DIP2C: variants seen among roughly 807,000 people sequenced by gnomAD.
The protein encoded by DIP2C is DIP2 acetate--CoA ligase C (putative).
Under a neutral mutation model 192.4 loss-of-function variants are expected in DIP2C, and 33 were observed. The observed-to-expected ratio is 0.17, with a 90% CI of 0.13 to 0.23. The LOEUF (loss-of-function observed/expected upper bound fraction) is 0.23. Ranked by LOEUF, DIP2C falls within the 10% of genes least tolerant of loss-of-function variation. The pLI is 1.00. For missense variants in DIP2C, 1,537 were observed against 2,110.1 expected (o/e 0.73, Z 5.32); for synonymous variants, 979 against 864.1 (o/e 1.13, Z -2.33).
intron 2 of DIP2C, among the ~76,000 whole-genome samples, chr10:476,454 C>T (rs1843036943): frequency 6.6e-6 from 1 of 152,212 alleles, no homozygotes; most frequent in Admixed American, 6.5e-5. Context: ...AACACTGCAG[C>T]CCTGGCCTAA....
At chr10:378,119 G>A (rs1010005337) in intron 17 of DIP2C, among the ~76,000 whole-genome samples, 4 of 152,006 alleles carry the variant, frequency 2.6e-5, no homozygotes, top group Non-Finnish European at 5.9e-5. Context: ...ATGAGTTTAG[G>A]CACCACAAGC....
intron 1 of DIP2C, among the ~76,000 whole-genome samples, chr10:505,460 C>A (rs1352733469): frequency 6.6e-6 from 1 of 152,236 alleles, no homozygotes; most frequent in Non-Finnish European, 1.5e-5. Flanking sequence ...CTGCCTGAGG[C>A]TCTCGACTGA....
chr10:403,582 A>C (rs376092867), intron 9 of DIP2C, among the ~76,000 whole-genome samples: 23 of 34,212 alleles, frequency 6.7e-4, no homozygotes, highest in African/African-American at 1.1e-3. Flanking sequence ...GTATGTGTTC[A>C]TCAGCACATG....
chr10:321,589 A>G (rs11251713), intron 31 of DIP2C, among the ~76,000 whole-genome samples: 7,197 of 61,032 alleles, frequency 0.12, 280 homozygotes, highest in African/African-American at 0.18. Flanking sequence ...GCGGGGCTCC[A>G]GCGAGAGACC....
At chr10:616,876 G>T (rs1233920933) in intron 1 of DIP2C, among the ~76,000 whole-genome samples, 1 of 152,218 alleles carries the variant, frequency 6.6e-6, no homozygotes. Context: ...TGCAGGCTCT[G>T]AAAAGACAGA....
intron 17 of DIP2C, among the ~76,000 whole-genome samples, chr10:381,889 A>C (rs1011479515): frequency 6.6e-6 from 1 of 151,950 alleles, no homozygotes; most frequent in African/African-American, 2.4e-5. Flanking sequence ...CTCTTGCCAC[A>C]CCTTCCCTCT....
chr10:609,630 G>A (rs942661313), intron 1 of DIP2C, among the ~76,000 whole-genome samples: 4 of 152,166 alleles, frequency 2.6e-5, no homozygotes, highest in Admixed American at 1.3e-4. Flanking sequence ...ATGTGATTTA[G>A]TCTGTGGTTA....
At chr10:381,651 C>A (rs1042460294) in intron 17 of DIP2C, among the ~76,000 whole-genome samples, 4 of 152,208 alleles carry the variant, frequency 2.6e-5, no homozygotes, top group Non-Finnish European at 5.9e-5. Flanking sequence ...ACGTCCTGCT[C>A]TTGTTATTTC....
At chr10:426,634 G>A (rs957628103) in intron 4 of DIP2C, among the ~76,000 whole-genome samples, 2 of 152,216 alleles carry the variant, frequency 1.3e-5, no homozygotes, top group Non-Finnish European at 2.9e-5. Flanking sequence ...TAAGGCAGTA[G>A]TATTAGCAGA....
intron 29 of DIP2C, among the ~76,000 whole-genome samples, chr10:333,703 T>TTCC (rs1018501985): frequency 6.6e-6 from 1 of 152,258 alleles, no homozygotes; most frequent in African/African-American, 2.4e-5. Context: ...AAACAGTGGC[T>TTCC]TCCCCATTTT....
chr10:374,496 G>A (rs1254960718), intron 17 of DIP2C, among the ~76,000 whole-genome samples: 1 of 152,200 alleles, frequency 6.6e-6, no homozygotes, highest in Admixed American at 6.5e-5. Flanking sequence ...GCAGACAGGG[G>A]CAGGGGCGAG....
chr10:369,560 G>A lies in DIP2C; in HGVS notation c.2065C>T (p.Arg689Cys), dbSNP rs1960708457. The A allele has an allele frequency of 3.7e-6, 6 of 1,602,120 alleles. No homozygotes were observed. Among genetic ancestry groups the A allele is most frequent in the East Asian group, 2.2e-5 (1 of 44,686 alleles). ...SMHGLTYGVI[R>C]VDSEEKLSVL... ...GACAGCTTCTCTTCCGAGTCCACAC[G>A]AATGACCCCATAGGTCAGTCCATGC... Residue 689 changes from arginine to cysteine, a missense_variant, in exon 18 of 37, where the codon CGT (arginine) becomes TGT (cysteine). Transcript: ENST00000280886.
At chr10:338,422 C>G (rs865819254) in intron 29 of DIP2C, among the ~76,000 whole-genome samples, 3 of 138,632 alleles carry the variant, frequency 2.2e-5, no homozygotes, top group Middle Eastern at 4.1e-3. Flanking sequence ...ATGCCCTACA[C>G]AGTTTTTTTT....
At chr10:367,629 T>C (rs370636179) in intron 18 of DIP2C, among the ~76,000 whole-genome samples, 3 of 152,154 alleles carry the variant, frequency 2.0e-5, no homozygotes, top group African/African-American at 7.2e-5. Flanking sequence ...CTCCCACTTC[T>C]AGAACTGTTT....
intron 3 of DIP2C, among the ~76,000 whole-genome samples, chr10:469,942 G>A (rs758768303): frequency 1.3e-5 from 2 of 152,198 alleles, no homozygotes; most frequent in East Asian, 3.8e-4. Flanking sequence ...CGAATGAACA[G>A]AACAGAGATC....
At chr10:591,889 A>G (rs894834992) in intron 1 of DIP2C, among the ~76,000 whole-genome samples, 1 of 152,238 alleles carries the variant, frequency 6.6e-6, no homozygotes, top group African/African-American at 2.4e-5. Context: ...GGCGGCCTGA[A>G]TGAGGCGACC....
chr10:567,481 T>C (rs1276469122), intron 1 of DIP2C, among the ~76,000 whole-genome samples: 2 of 151,820 alleles, frequency 1.3e-5, no homozygotes, highest in Non-Finnish European at 2.9e-5. Context: ...CAGCCACCCC[T>C]GCTCCCAGCC....
chr10:450,158 A>G (rs531539509), intron 3 of DIP2C, among the ~76,000 whole-genome samples: 1 of 151,754 alleles, frequency 6.6e-6, no homozygotes, highest in African/African-American at 2.4e-5. Context: ...TGTGGACCCG[A>G]CACAAGAGAG....
chr10:509,569 C>G (rs377466105), intron 1 of DIP2C, among the ~76,000 whole-genome samples: 1 of 152,326 alleles, frequency 6.6e-6, no homozygotes, highest in Non-Finnish European at 1.5e-5. Context: ...CTCAGGGACT[C>G]TGTGCGGTAA....
Sources: gnomAD v4.1 joint callset for allele counts (sites outside exome capture counted in the v4.1 genomes callset) on GRCh38, gnomAD v4.1.1 for gene constraint, MANE v1.5 for transcripts, NCBI Gene and HGNC (gene_info 2026-07-23, HGNC 2026-07-21) for gene names.